Variants in GRIK2 observed in about 807,000 individuals in gnomAD.
The protein encoded by GRIK2 is glutamate receptor ionotropic, kainate 2.
Under a neutral mutation model 100.3 loss-of-function variants are expected in GRIK2, and 32 were observed. That is an observed-to-expected ratio of 0.32 (90% CI 0.24 to 0.43). The LOEUF (loss-of-function observed/expected upper bound fraction) is 0.43, where lower values mean the gene tolerates loss of function less well. Ranked by LOEUF, GRIK2 falls within the 20% of genes least tolerant of loss-of-function variation. GRIK2 has a pLI of 1.00. For missense variants in GRIK2, 843 were observed against 1,114.9 expected (o/e 0.76, Z 3.47); for synonymous variants, 417 against 389.4 (o/e 1.07, Z -0.83).
At chr6:101,920,078 T>C (rs1168814877) in intron 12 of GRIK2, among the ~76,000 whole-genome samples, 2 of 151,826 alleles carry the variant, frequency 1.3e-5, no homozygotes, top group African/African-American at 2.4e-5. Flanking sequence ...TACAATATAA[T>C]GGAAAAGGGA....
chr6:102,004,984 G>T (rs1795136051), intron 14 of GRIK2, among the ~76,000 whole-genome samples: 1 of 151,470 alleles, frequency 6.6e-6, no homozygotes, highest in South Asian at 2.1e-4. Context: ...TGTGTAGGTG[G>T]CAGGAGAACA....
At chr6:101,676,918 T>G (rs946785074) in intron 5 of GRIK2, 114 bp downstream of exon 5, 10 of 592,530 alleles carry the variant, frequency 1.7e-5, no homozygotes, top group Non-Finnish European at 2.0e-5. Flanking sequence ...AACCTTGATG[T>G]AATTTTATGA....
intron 2 of GRIK2, among the ~76,000 whole-genome samples, chr6:101,617,976 G>A (rs1290039029): frequency 6.6e-6 from 1 of 151,402 alleles, no homozygotes; most frequent in Admixed American, 6.6e-5. Context: ...TTTGTCATTT[G>A]TTTATGGCAC....
At chr6:101,555,403 A>C (rs911604327) in intron 2 of GRIK2, among the ~76,000 whole-genome samples, 35 of 152,142 alleles carry the variant, frequency 2.3e-4, no homozygotes, top group African/African-American at 7.5e-4. Context: ...GATTTTCAGA[A>C]AACATCTGGC....
chr6:101,877,910 A>C (rs1785968365), intron 11 of GRIK2, among the ~76,000 whole-genome samples: 2 of 151,404 alleles, frequency 1.3e-5, no homozygotes, highest in African/African-American at 4.8e-5. Context: ...CAAGTTTTCA[A>C]ATCTCCCTCC....
intron 2 of GRIK2, among the ~76,000 whole-genome samples, chr6:101,449,780 A>G (rs2128248658): frequency 6.6e-6 from 1 of 151,844 alleles, no homozygotes; most frequent in African/African-American, 2.4e-5. Flanking sequence ...TTGTTTGTTA[A>G]TCAAATAATA....
chr6:101,573,133 A>C (rs980338161), intron 2 of GRIK2, among the ~76,000 whole-genome samples: 1 of 152,120 alleles, frequency 6.6e-6, no homozygotes, highest in African/African-American at 2.4e-5. Context: ...GGGGTGAGCC[A>C]CCACACCCAG....
intron 2 of GRIK2, among the ~76,000 whole-genome samples, chr6:101,521,807 CAG>C (rs1383122708): frequency 1.3e-5 from 2 of 151,748 alleles, no homozygotes; most frequent in Admixed American, 6.6e-5. Flanking sequence ...TTTATGCACT[CAG>C]AAGATAGGAA....
chr6:101,788,914 G>T (rs191429811), intron 7 of GRIK2, among the ~76,000 whole-genome samples: 9 of 152,286 alleles, frequency 5.9e-5, no homozygotes, highest in Admixed American at 2.6e-4. Context: ...TAACTGGTGT[G>T]AGATGGTATC....
intron 2 of GRIK2, among the ~76,000 whole-genome samples, chr6:101,469,011 A>C (rs1771805916): frequency 6.6e-6 from 1 of 152,154 alleles, no homozygotes; most frequent in Non-Finnish European, 1.5e-5. Context: ...TTGGGACAGC[A>C]TCCACCAGAA....
At chr6:101,460,323 G>A (rs559742167) in intron 2 of GRIK2, among the ~76,000 whole-genome samples, 9 of 152,292 alleles carry the variant, frequency 5.9e-5, no homozygotes, top group African/African-American at 1.9e-4. Flanking sequence ...TATCCCTCTA[G>A]AGTAACTTTT....
chr6:101,635,826 G>A (rs1173640007), intron 4 of GRIK2, among the ~76,000 whole-genome samples: 3 of 152,102 alleles, frequency 2.0e-5, no homozygotes, highest in Non-Finnish European at 4.4e-5. Context: ...AATTAGAATA[G>A]CAATCATTAA....
rs748806335 is a variant in GRIK2, at chr6:101,486,391, CG to C, written c.115+87008del. 5.4e-3 allele frequency among the ~76,000 whole-genome samples: 492 copies of C among 90,842 alleles called. 6 individuals carry two copies. Among genetic ancestry groups the C allele is most frequent in the African/African-American group, 0.018 (451 of 24,546 alleles). The allele number at this position is 90,842 out of a possible 152,430, so 59.6% of individuals were successfully genotyped here. A position where few individuals can be genotyped will look rare whatever the true frequency, so the allele number is the denominator to read the frequency against. ...GGTAAGGTTGCATGAGGGGGTGGGGCGGGGGGGGGAAGCTAAGTAGATTATA... is the reference window on the plus strand; with the variant it reads ...GGTAAGGTTGCATGAGGGGGTGGGGCGGGGGGGGAAGCTAAGTAGATTATA... On this transcript the variant is annotated intron_variant, in intron 2 of 16. Transcript: ENST00000369134.
intron 14 of GRIK2, among the ~76,000 whole-genome samples, chr6:101,934,243 C>A (rs1790479960): frequency 6.6e-6 from 1 of 151,810 alleles, no homozygotes. Context: ...GTCACATAAA[C>A]CATCGTTACT....
chr6:101,549,402 TGTTA>T lies in GRIK2; in HGVS notation c.116-72543_116-72540del, dbSNP rs1776404038. Among the ~76,000 whole-genome samples, 3 of 152,102 alleles carry T rather than the reference TGTTA, an allele frequency of 2.0e-5. 1 individual carries two copies. In the South Asian group the frequency reaches 6.2e-4, roughly 31 times the overall value. ...TGAATGGATTTTGCAGGTGGTTTTATGTTAGTTCATGGTGGGCTCATTGGCAGAT... is the reference window on the plus strand; with the variant it reads ...TGAATGGATTTTGCAGGTGGTTTTATGTTCATGGTGGGCTCATTGGCAGAT... On this transcript the variant is annotated intron_variant, in intron 2 of 16. Coordinates refer to ENST00000369134, the MANE Select transcript of GRIK2 (RefSeq NM_021956.5).
chr6:101,655,284 T>C (rs1213384901), intron 4 of GRIK2, among the ~76,000 whole-genome samples: 1 of 152,136 alleles, frequency 6.6e-6, no homozygotes, highest in Non-Finnish European at 1.5e-5. Context: ...GGAGTAAGAA[T>C]TTTTTGTAGA....
intron 8 of GRIK2, among the ~76,000 whole-genome samples, chr6:101,800,246 T>C (rs993752176): frequency 6.6e-6 from 1 of 151,864 alleles, no homozygotes; most frequent in Non-Finnish European, 1.5e-5. Flanking sequence ...AATGTATGGA[T>C]TAATCAAAGT....
chr6:101,793,345 A>G (rs1039740785), intron 7 of GRIK2, among the ~76,000 whole-genome samples: 3 of 151,770 alleles, frequency 2.0e-5, no homozygotes, highest in African/African-American at 7.3e-5. Context: ...GGTATTATCT[A>G]CTTTTGGTCT....
intron 2 of GRIK2, among the ~76,000 whole-genome samples, chr6:101,497,353 T>C (rs1320170473): frequency 2.6e-5 from 4 of 152,212 alleles, no homozygotes; most frequent in Non-Finnish European, 5.9e-5. Flanking sequence ...ATACGTGCCA[T>C]AGTACTGGGC....
Sources: gnomAD v4.1 joint callset for allele counts (sites outside exome capture counted in the v4.1 genomes callset) on GRCh38, gnomAD v4.1.1 for gene constraint, MANE v1.5 for transcripts, NCBI Gene and HGNC (gene_info 2026-07-23, HGNC 2026-07-21) for gene names.